Variants in PRSS41 observed in about 807,000 individuals in gnomAD.
PRSS41 encodes the protein protease, serine 41.
Under a neutral mutation model 28.8 loss-of-function variants are expected in PRSS41, and 37 were observed. That is an observed-to-expected ratio of 1.29 (90% CI 0.99 to 1.69). The LOEUF is 1.69. Ranked by LOEUF, PRSS41 falls within the 40% of genes most tolerant of loss-of-function variation. PRSS41 has a pLI of 0.00. For missense variants in PRSS41, 431 were observed against 400.7 expected (o/e 1.08, Z -0.65); for synonymous variants, 195 against 163.1 (o/e 1.20, Z -1.49).
chr16:2,799,018 G>C, exon 3 of PRSS41: 1 of 1,532,600 alleles, frequency 6.5e-7, no homozygotes, highest in Non-Finnish European at 8.7e-7. Flanking sequence ...GTCCGCGCGC[G>C]GGCGCTGGCC....
At chr16:2,802,194 C>G (rs1309239873) in intron 4 of PRSS41, among the ~76,000 whole-genome samples, 1 of 148,868 alleles carries the variant, frequency 6.7e-6, no homozygotes, top group African/African-American at 2.5e-5. Context: ...CGCTCCTCAC[C>G]TCCCAGACAG....
At chr16:2,804,259 G>C in intron 4 of PRSS41, 130 bp from the exon 5 acceptor site, 1 of 912,196 alleles carries the variant, frequency 1.1e-6, no homozygotes, top group East Asian at 2.7e-5. Flanking sequence ...GGAGTCAAGA[G>C]CAATGCTGGG....
chr16:2,805,137 T>C (rs2069013806), exon 6 of PRSS41: 5 of 1,547,660 alleles, frequency 3.2e-6, no homozygotes, highest in Non-Finnish European at 4.4e-6. Context: ...CCCTGACTCC[T>C]GCAGCCATTC....
chr16:2,799,170 C>T (rs894405719), intron 3 of PRSS41, 46 bp downstream of exon 3: 3 of 1,505,706 alleles, frequency 2.0e-6, no homozygotes, highest in African/African-American at 2.8e-5. Context: ...TAATGGCCTC[C>T]AGGATGAGCA....
At chr16:2,805,074 C>T in exon 6 of PRSS41, 1 of 1,552,066 alleles carries the variant, frequency 6.4e-7, no homozygotes, top group Non-Finnish European at 8.7e-7. Flanking sequence ...TCCCACAGTA[C>T]ACCCAGGCCA....
chr16:2,804,494 G>A lies in PRSS41; in HGVS notation c.647G>A (p.Trp216Ter). 6.4e-7 allele frequency: 1 copy of A among 1,551,504 alleles called. No homozygotes were observed. Reference sequence around the variant, plus strand: ...CAGCCCTCTAGCCGTAGTATGATCTGGGATTCCATGTTTTGTGCTGGTGCT... The same window carrying A: ...CAGCCCTCTAGCCGTAGTATGATCTAGGATTCCATGTTTTGTGCTGGTGCT... Residue 216 changes from tryptophan (W) to a stop codon, truncating the protein, a stop_gained, in exon 5 of 6, where the codon TGG becomes TAG. Transcript: ENST00000399677. LOFTEE classifies it high-confidence loss of function.
intron 4 of PRSS41, among the ~76,000 whole-genome samples, chr16:2,800,093 A>G (rs2068976564): frequency 1.3e-5 from 2 of 152,226 alleles, no homozygotes. Flanking sequence ...AGAGCCTGCT[A>G]CACACCCAGA....
Position 2,798,501 on chromosome 16 carries a change from C to T in PRSS41, c.17C>T (p.Ala6Val), listed in dbSNP as rs1403715956. Residue 6 changes from alanine (A) to valine (V), a missense_variant, in exon 1 of 6, where the codon GCG (alanine) becomes GTG (valine). Coordinates refer to ENST00000399677, the Ensembl canonical transcript of PRSS41. ...GAGGAGGCCATGGGCGCGCGCGGGG[C>T]GCTGCTGCTGGCGCTGCTGCTGGCT... 8.4e-6 allele frequency: 11 copies of T among 1,307,486 alleles called. No homozygotes were observed. The Admixed American group carries it at 1.9e-4, about 23-fold the overall frequency. The allele number at this position is 1,307,486 out of a possible 1,614,324, so 81.0% of individuals were successfully genotyped here.
At chr16:2,801,993 G>C (rs567042725) in intron 4 of PRSS41, among the ~76,000 whole-genome samples, 2,083 of 151,230 alleles carry the variant, frequency 0.014, 14 homozygotes, top group Non-Finnish European at 0.02. Flanking sequence ...CTCCCTCCCG[G>C]ACGGGGCGGC....
chr16:2,798,736 C>G (rs2068964802), intron 2 of PRSS41, 74 bp downstream of exon 2: 16 of 1,334,598 alleles, frequency 1.2e-5, no homozygotes, highest in African/African-American at 3.1e-5. Context: ...CTACTGCTCT[C>G]TGTTCCAGGT....
intron 2 of PRSS41, 51 bp from the exon 3 acceptor site, chr16:2,798,908 G>GGGCCCCCCCC: frequency 2.1e-6 from 3 of 1,415,404 alleles, no homozygotes; most frequent in East Asian, 2.6e-5. Context: ...GGGCGGGCCT[G>GGGCCCCCCCC]CCCACCCCAC....
At chr16:2,802,022 A>ACCC (rs1221295581) in intron 4 of PRSS41, among the ~76,000 whole-genome samples, 3 of 132,532 alleles carry the variant, frequency 2.3e-5, no homozygotes, top group African/African-American at 8.9e-5. Flanking sequence ...CGTGGGGCTG[A>ACCC]CCCCCCCCAC....
At chr16:2,802,868 G>A (rs1296729633) in intron 4 of PRSS41, among the ~76,000 whole-genome samples, 3 of 149,020 alleles carry the variant, frequency 2.0e-5, no homozygotes, top group African/African-American at 5.0e-5. Context: ...GTGGGGAGAG[G>A]GAGAGGGAGA....
exon 3 of PRSS41, chr16:2,799,042 C>G (rs1211554749): frequency 6.5e-7 from 1 of 1,533,212 alleles, no homozygotes; most frequent in East Asian, 2.4e-5. Context: ...GCAGGCCAGC[C>G]TGCGCCTGAG....
At chr16:2,801,914 C>T (rs1426043224) in intron 4 of PRSS41, among the ~76,000 whole-genome samples, 2 of 150,108 alleles carry the variant, frequency 1.3e-5, no homozygotes, top group African/African-American at 4.9e-5. Context: ...CCAGTAGGGG[C>T]GGCCGGGCAG....
chr16:2,802,031 A>C (rs1198229744), intron 4 of PRSS41, among the ~76,000 whole-genome samples: 1 of 134,416 alleles, frequency 7.4e-6, no homozygotes, highest in Non-Finnish European at 1.6e-5. Flanking sequence ...GACCCCCCCC[A>C]CCTCCCTCCC....
At chr16:2,798,536 C>G (rs1438240090) in exon 1 of PRSS41, 1 of 1,531,504 alleles carries the variant, frequency 6.5e-7, no homozygotes, top group Non-Finnish European at 8.8e-7. Context: ...TCGGGCTGGA[C>G]TCGGGAAGCC....
exon 4 of PRSS41, chr16:2,799,385 G>A (rs893233192): frequency 1.3e-6 from 2 of 1,552,038 alleles, no homozygotes; most frequent in Admixed American, 3.9e-5. Flanking sequence ...ACAAAGTGCA[G>A]GACATCATTG....
In PRSS41 at chr16:2,804,616, TCCCCCAACCA is replaced by T. The variant is rs140276623; in HGVS notation, c.699+72_699+81del. ...TACACCTGAGAGCAGCTACCATTTCTCCCCCAACCACTCCCAACCCATTGCTTAGATTTCT... is the reference window on the plus strand; with the variant it reads ...TACACCTGAGAGCAGCTACCATTTCTCTCCCAACCCATTGCTTAGATTTCT... On this transcript the variant is annotated intron_variant, in intron 5 of 5. Coordinates refer to ENST00000399677, the Ensembl canonical transcript of PRSS41. The T allele has an allele frequency of 4.3e-3, 6,201 of 1,444,792 alleles. 83 individuals carry two copies. Among genetic ancestry groups the T allele is most frequent in the African/African-American group, 0.042 (2,962 of 70,910 alleles). 89.5% of individuals were successfully genotyped at this position (1,444,792 alleles called of 1,614,324 possible).
Sources: gnomAD v4.1 joint callset for allele counts (sites outside exome capture counted in the v4.1 genomes callset) on GRCh38, gnomAD v4.1.1 for gene constraint, MANE v1.5 for transcripts, NCBI Gene and HGNC (gene_info 2026-07-23, HGNC 2026-07-21) for gene names.